MYH11: variants seen among roughly 807,000 people sequenced by gnomAD.
MYH11 encodes myosin-11.
In MYH11, 80 loss-of-function variants were observed where a neutral mutation model predicts 246.6. The ratio of observed to expected loss-of-function variants is 0.32; its 90% confidence interval spans 0.27 to 0.39. The LOEUF is 0.39. MYH11 is among the 10% of genes least tolerant of loss of function. MYH11 has a pLI of 1.00. For missense variants in MYH11, 2,158 were observed against 2,546.8 expected, an observed-to-expected ratio of 0.85 and a Z score of 3.29; for synonymous variants, 1,071 against 1,015.5, an observed-to-expected ratio of 1.05 and a Z score of -1.04.
At chr16:15,728,726 C>T (rs533924620) in intron 27 of MYH11, among the ~76,000 whole-genome samples, 2 of 151,848 alleles carry the variant, frequency 1.3e-5, no homozygotes, top group East Asian at 1.9e-4. Flanking sequence ...ATGGTGAAAC[C>T]CCGTCTCTAC....
intron 1 of MYH11, among the ~76,000 whole-genome samples, chr16:15,849,019 C>A (rs188128084): frequency 1.5e-3 from 223 of 152,310 alleles, no homozygotes; most frequent in African/African-American, 5.1e-3. Context: ...AAATTACTAC[C>A]CAGAACTGCT....
intron 2 of MYH11, among the ~76,000 whole-genome samples, chr16:15,833,881 T>G (rs752074296): frequency 2.6e-5 from 4 of 152,176 alleles, no homozygotes; most frequent in Non-Finnish European, 5.9e-5. Context: ...TTCTCCGTCA[T>G]GGACGACGGT....
intron 31 of MYH11, 164 bp from the exon 32 acceptor site, chr16:15,721,798 G>T: frequency 1.4e-6 from 1 of 701,350 alleles, no homozygotes; most frequent in Non-Finnish European, 2.5e-6. Flanking sequence ...CTGGCGTTCT[G>T]ACTTCTACAT....
chr16:15,834,538 A>G (rs1015747845), intron 2 of MYH11, among the ~76,000 whole-genome samples: 18 of 144,492 alleles, frequency 1.2e-4, no homozygotes, highest in African/African-American at 3.8e-4. Context: ...AAAAAAAAAA[A>G]AAGAAGAAAG....
At chr16:15,809,969 G>A (rs891980588) in intron 3 of MYH11, among the ~76,000 whole-genome samples, 9 of 152,010 alleles carry the variant, frequency 5.9e-5, no homozygotes, top group Non-Finnish European at 8.8e-5. Context: ...TGTCAGCTGG[G>A]GCTTTTCAGG....
chr16:15,712,882 G>GTTTTTTTTTTGTTTTTTTTTTTT (rs2039888905), intron 40 of MYH11: 1 of 90,636 alleles, frequency 1.1e-5, no homozygotes, highest in Non-Finnish European at 2.3e-5. Flanking sequence ...TTCACATACA[G>GTTTTTTTTTTGTTTTTTTTTTTT]TTTTTTTTTT....
intron 6 of MYH11, among the ~76,000 whole-genome samples, chr16:15,781,781 T>C (rs776498815): frequency 6.6e-5 from 10 of 152,186 alleles, no homozygotes; most frequent in Non-Finnish European, 1.0e-4. Flanking sequence ...ATCTGAACTA[T>C]TCATCGCAAT....
chr16:15,724,856 A>G, intron 29 of MYH11, 32 bp downstream of exon 29: 1 of 1,613,832 alleles, frequency 6.2e-7, no homozygotes, highest in Non-Finnish European at 8.5e-7. Context: ...GCCACCCCCC[A>G]GGTCCCCTGG....
intron 40 of MYH11, among the ~76,000 whole-genome samples, chr16:15,709,503 C>T (rs556077768): frequency 8.5e-5 from 13 of 152,138 alleles, no homozygotes; most frequent in East Asian, 3.9e-4. Flanking sequence ...TTAGTAGAGA[C>T]GGAGTTTCAC....
intron 3 of MYH11, among the ~76,000 whole-genome samples, chr16:15,820,215 G>A (rs1236271583): frequency 6.6e-6 from 1 of 152,170 alleles, no homozygotes; most frequent in Non-Finnish European, 1.5e-5. Context: ...GATGGTGCAT[G>A]CCTGTAATCC....
chr16:15,749,001 A>G (rs2151262149), intron 16 of MYH11, among the ~76,000 whole-genome samples: 1 of 152,052 alleles, frequency 6.6e-6, no homozygotes, highest in South Asian at 2.1e-4. Context: ...CTAGAGAGAG[A>G]AGGCCAAGCT....
rs71134460 is a variant in MYH11 at position 15,780,474 on chromosome 16, C to CTTTTTTTTTTT, written c.727-1642_727-1632dup. 1.7e-4 allele frequency among the ~76,000 whole-genome samples: 12 copies of CTTTTTTTTTTT among 69,006 alleles called. 1 individual carries two copies. The highest frequency in any genetic ancestry group is 6.9e-4 in the South Asian group (1 of 1,450). The allele number at this position is 69,006 out of a possible 152,430, so 45.3% of individuals were successfully genotyped here. On this transcript the variant is annotated intron_variant, in intron 6 of 40. Transcript: ENST00000300036. ...ACCTTTATGACTTTAGATTTTTACG[C>CTTTTTTTTTTT]TTTTTTTTTTTTTTTTTTTTTTTTG... is the stretch of plus-strand genomic sequence containing the variant.
chr16:15,844,285 C>T (rs2044132265), intron 1 of MYH11, among the ~76,000 whole-genome samples: 1 of 152,144 alleles, frequency 6.6e-6, no homozygotes, highest in African/African-American at 2.4e-5. Flanking sequence ...GCAACCTCCA[C>T]CTCCTAGGTT....
At chr16:15,740,568 A>G (rs551300444) in intron 22 of MYH11, among the ~76,000 whole-genome samples, 1 of 151,404 alleles carries the variant, frequency 6.6e-6, no homozygotes, top group East Asian at 2.0e-4. Context: ...CTGAGATCGC[A>G]CCATCGCACC....
chr16:15,739,092 C>G (rs2041200702), intron 23 of MYH11, among the ~76,000 whole-genome samples: 2 of 151,870 alleles, frequency 1.3e-5, no homozygotes, highest in Middle Eastern at 3.4e-3. Flanking sequence ...CTCTATCCCC[C>G]ACTGCTGTAT....
chr16:15,793,950 T>C (rs1161489988), intron 4 of MYH11, among the ~76,000 whole-genome samples: 4 of 126,020 alleles, frequency 3.2e-5, no homozygotes, highest in East Asian at 2.3e-4. Flanking sequence ...CTTTTCTTTT[T>C]TTTTTTTTTT....
chr16:15,798,266 A>C (rs2042790692), intron 4 of MYH11, among the ~76,000 whole-genome samples: 1 of 152,206 alleles, frequency 6.6e-6, no homozygotes, highest in South Asian at 2.1e-4. Context: ...GATAAATGTG[A>C]AATACTAAAG....
chr16:15,736,618 C>T (rs553719276), intron 25 of MYH11, among the ~76,000 whole-genome samples: 1 of 152,284 alleles, frequency 6.6e-6, no homozygotes, highest in African/African-American at 2.4e-5. Flanking sequence ...CAGAGAGATG[C>T]TTTCCCTTCA....
intron 1 of MYH11, among the ~76,000 whole-genome samples, chr16:15,856,531 G>C (rs1346352933): frequency 6.6e-6 from 1 of 151,988 alleles, no homozygotes; most frequent in Non-Finnish European, 1.5e-5. Flanking sequence ...AAAGTGAGAT[G>C]CCTTGATTGT....
Sources: allele counts gnomAD v4.1 joint callset (sites outside exome capture counted in the v4.1 genomes callset), GRCh38; gene constraint gnomAD v4.1.1; transcripts MANE v1.5; gene names NCBI Gene and HGNC (gene_info 2026-07-23, HGNC 2026-07-21).